DIABLO: variants seen among roughly 807,000 people sequenced by gnomAD.
DIABLO encodes diablo IAP-binding mitochondrial protein.
DIABLO carries 32 observed loss-of-function variants against 31.7 expected under a neutral mutation model. The ratio of observed to expected loss-of-function variants is 1.01; its 90% CI spans 0.76 to 1.35. The LOEUF (loss-of-function observed/expected upper bound fraction) is 1.35. DIABLO is among the 40% of genes most tolerant of loss of function. The pLI, the probability that DIABLO is intolerant of heterozygous loss-of-function variation, is 0.00. For synonymous variants in DIABLO, 132 were observed against 103.2 expected, an observed-to-expected ratio of 1.28 and a Z score of -1.69; for missense variants, 316 against 286.4, an observed-to-expected ratio of 1.10 and a Z score of -0.75.
At chr12:122,217,096 CAGAA>C (rs529070337) in intron 3 of DIABLO, 60 of 492,998 alleles carry the variant, frequency 1.2e-4, no homozygotes, top group Admixed American at 7.7e-4. Context: ...AATTCAGACA[CAGAA>C]AGAGAAAACA....
chr12:122,225,545 G>A (rs117131740), intron 1 of DIABLO: 12 of 1,133,160 alleles, frequency 1.1e-5, no homozygotes, highest in East Asian at 1.4e-4. Flanking sequence ...TGCAGCGCTA[G>A]GTAGAGAGCC....
At chr12:122,224,765 G>A (rs764066468) in intron 1 of DIABLO, 121 bp from the exon 2 acceptor site, 2 of 1,598,162 alleles carry the variant, frequency 1.3e-6, no homozygotes, top group African/African-American at 1.3e-5. Context: ...GAGGATGCAG[G>A]ACAGCTGAGG....
At position 122,208,995 on chromosome 12, in the gene DIABLO, A is replaced by G. The variant is rs572127623; in HGVS notation, c.524-418T>C. 178 of 331,058 alleles carry G rather than the reference A, an allele frequency of 5.4e-4. 1 individual carries two copies. Among genetic ancestry groups the G allele is most frequent in the Middle Eastern group, 1.1e-3 (1 of 926 alleles). 20.5% of individuals were successfully genotyped at this position (331,058 alleles called of 1,614,324 possible). On this transcript the variant is annotated intron_variant, in intron 5 of 5. Transcript: ENST00000464942. ...TAAAGGTAAAGGAATGCATAGAAAA[A>G]TATTTTTTTACTATAAATTTATGTA... is the stretch of plus-strand genomic sequence containing the variant.
chr12:122,212,873 C>A (rs574219993), intron 5 of DIABLO, among the ~76,000 whole-genome samples: 1 of 152,184 alleles, frequency 6.6e-6, no homozygotes, highest in African/African-American at 2.4e-5. Flanking sequence ...GATCCGCCCA[C>A]CTCAGCCTCC....
chr12:122,213,422 C>A (rs1185896728), intron 5 of DIABLO, among the ~76,000 whole-genome samples: 1 of 150,314 alleles, frequency 6.7e-6, no homozygotes, highest in Non-Finnish European at 1.5e-5. Flanking sequence ...TCGCTTGAGC[C>A]CAGAGGCTAA....
chr12:122,208,902 ATTTC>A (rs1262992936), intron 5 of DIABLO: 1 of 403,096 alleles, frequency 2.5e-6, no homozygotes, highest in African/African-American at 2.1e-5. Flanking sequence ...CACATCTTCC[ATTTC>A]TTTTTGACAA....
chr12:122,209,170 G>C (rs771435056), intron 5 of DIABLO, among the ~76,000 whole-genome samples: 2 of 152,164 alleles, frequency 1.3e-5, no homozygotes, highest in Admixed American at 1.3e-4. Flanking sequence ...AGACCAGCCT[G>C]GCTAACATGG....
chr12:122,207,745 G>A lies in DIABLO; in HGVS notation c.*636C>T. 1 of 490,346 alleles carries A rather than the reference G, an allele frequency of 2.0e-6. No individual in the cohort carries two copies. The allele number at this position is 490,346 out of a possible 1,614,324, so 30.4% of individuals were successfully genotyped here. ...CTCCTTTGGATACAATAGAGAAACG[G>A]AAAGAAAGGAAGGAACAAGAGGCCT... On this transcript the variant is annotated 3_prime_UTR_variant, in exon 6 of 6. Transcript: ENST00000464942.
chr12:122,211,077 TAAAAAAAAAAA>T (rs1156571584), intron 5 of DIABLO, among the ~76,000 whole-genome samples: 371 of 14,338 alleles, frequency 0.026, 7 homozygotes, highest in Middle Eastern at 0.19. Context: ...TAGTTAAAAG[TAAAAAAAAAAA>T]AAAAAAAAAA....
intron 2 of DIABLO, among the ~76,000 whole-genome samples, chr12:122,223,057 T>A (rs1016505757): frequency 6.6e-6 from 1 of 151,932 alleles, no homozygotes; most frequent in African/African-American, 2.4e-5. Context: ...CATGCCTAGA[T>A]ATAGCAACTA....
At chr12:122,227,314 C>T (rs1358863398), upstream of DIABLO, 2 of 447,258 alleles carry the variant, frequency 4.5e-6, no homozygotes, top group Admixed American at 2.4e-5. Flanking sequence ...CCACTCCCCA[C>T]AGTGTCAGGC....
At chr12:122,211,268 G>C (rs919002568) in intron 5 of DIABLO, among the ~76,000 whole-genome samples, 1 of 151,772 alleles carries the variant, frequency 6.6e-6, no homozygotes, top group South Asian at 2.1e-4. Flanking sequence ...CGGGCGTGGT[G>C]GTGACTGCCT....
intron 5 of DIABLO, among the ~76,000 whole-genome samples, chr12:122,213,602 CCTCCTTTTCTCCTTCTAGATATT>C (rs1399234293): frequency 1.6e-4 from 25 of 152,116 alleles, no homozygotes; most frequent in Admixed American, 5.9e-4. Flanking sequence ...TTATACATCC[CCTCCTTTTCTCCTTCTAGATATT>C]CTCCTTTTCT....
At chr12:122,226,069 C>T (rs1036958705), upstream of DIABLO, 5 of 1,570,388 alleles carry the variant, frequency 3.2e-6, no homozygotes, top group Admixed American at 3.7e-5. Flanking sequence ...GCTTCGTGAG[C>T]GCGGAGCGGG....
At chr12:122,214,319 T>TGCA (rs1954157049) in intron 5 of DIABLO, among the ~76,000 whole-genome samples, 1 of 152,174 alleles carries the variant, frequency 6.6e-6, no homozygotes, top group Non-Finnish European at 1.5e-5. Context: ...TAGCTGGGAT[T>TGCA]GCAGGTGTGA....
Position 122,225,980 on chromosome 12 carries a change from A to G in DIABLO, c.35T>C (p.Val12Ala). 1.2e-6 allele frequency: 2 copies of G among 1,600,744 alleles called. No individual in the cohort carries two copies. Among genetic ancestry groups the G allele is most frequent in the Non-Finnish European group, 8.5e-7 (1 of 1,174,478 alleles). ...AALKSWLSRS[V>A]TSFFRYRQCL... ...GCAGCGGTACCTGAAGAATGAAGTTACGCTGCGCGACAGCCAACTCTTCAG... is the reference window on the plus strand; with the variant it reads ...GCAGCGGTACCTGAAGAATGAAGTTGCGCTGCGCGACAGCCAACTCTTCAG... Residue 12 changes from valine (V) to alanine (A), a missense_variant, in exon 1 of 6, where the codon GTA (valine) becomes GCA (alanine). Transcript: ENST00000464942.
chr12:122,226,000 C>T lies in DIABLO; in HGVS notation c.15G>A (p.Lys5=). The T allele has an allele frequency of 6.2e-7, 1 of 1,603,538 alleles. No individual in the cohort carries two copies. Among genetic ancestry groups the T allele is most frequent in the Non-Finnish European group, 8.5e-7 (1 of 1,175,958 alleles). The part of the protein sequence containing the change: MAAL[K]SWLSRSVTSF... ...AAGTTACGCTGCGCGACAGCCAACT[C>T]TTCAGAGCCGCCATTGTGCAGCGCG... The change falls in exon 1 of 6, where the codon AAG becomes AAA. Residue 5 remains lysine, a synonymous_variant. Coordinates refer to ENST00000464942, the MANE Select transcript of DIABLO (RefSeq NM_001371333.1).
intron 2 of DIABLO, among the ~76,000 whole-genome samples, chr12:122,223,827 G>A (rs1326357066): frequency 6.6e-6 from 1 of 152,118 alleles, no homozygotes; most frequent in African/African-American, 2.4e-5. Context: ...TTGAGAAAAG[G>A]TCTTGCCCTG....
chr12:122,225,058 C>A (rs1420492540), intron 1 of DIABLO: 17 of 356,150 alleles, frequency 4.8e-5, no homozygotes, highest in African/African-American at 3.6e-4. Context: ...ACTTAAAACA[C>A]AAAAATTAGC....
Sources: allele counts gnomAD v4.1 joint callset (sites outside exome capture counted in the v4.1 genomes callset), GRCh38; gene constraint gnomAD v4.1.1; transcripts MANE v1.5; gene names NCBI Gene and HGNC (gene_info 2026-07-23, HGNC 2026-07-21).